The following ROR2 variants were observed in gnomAD, a reference collection of about 807,000 sequenced individuals.
ROR2 encodes the protein ROR family WNT receptor 2.
Under a neutral mutation model 74.9 loss-of-function variants are expected in ROR2, and 33 were observed. That is an observed-to-expected ratio of 0.44 (90% CI 0.33 to 0.59). The LOEUF is 0.59. Among genes scored for constraint, ROR2 ranks in the 20% least tolerant of loss-of-function variants. The probability of loss-of-function intolerance (pLI) is 0.02; values close to 1 mark genes in which losing one functional copy is unlikely to be tolerated. For missense variants in ROR2, 1,216 were observed against 1,313.8 expected (o/e 0.93, Z 1.15); for synonymous variants, 586 against 558.7 (o/e 1.05, Z -0.69).
intron 1 of ROR2, among the ~76,000 whole-genome samples, chr9:91,816,650 C>T (rs1827947506): frequency 6.6e-6 from 1 of 152,114 alleles, no homozygotes; most frequent in Admixed American, 6.5e-5. Flanking sequence ...CCCTCCCTGG[C>T]ATCCGCGATC....
At chr9:91,926,440 G>T (rs1831400087) in intron 1 of ROR2, among the ~76,000 whole-genome samples, 2 of 149,854 alleles carry the variant, frequency 1.3e-5, no homozygotes, top group Admixed American at 6.8e-5. Flanking sequence ...CAGCTACTCA[G>T]GAGGCTGAAG....
chr9:91,801,676 G>A (rs746651302), intron 1 of ROR2, among the ~76,000 whole-genome samples: 1 of 152,146 alleles, frequency 6.6e-6, no homozygotes, highest in Middle Eastern at 3.4e-3. Context: ...GAATCCCCAG[G>A]AGGGGAGAGG....
chr9:91,911,164 T>C (rs565894674), intron 1 of ROR2, among the ~76,000 whole-genome samples: 11 of 152,312 alleles, frequency 7.2e-5, no homozygotes, highest in Non-Finnish European at 1.2e-4. Flanking sequence ...ATATACAAAA[T>C]GCAGTGTTCT....
In ROR2 at chr9:91,804,076, T is replaced by C. The variant is rs571734298; in HGVS notation, c.98-28258A>G. Among the ~76,000 whole-genome samples the C allele has an allele frequency of 5.9e-5, 9 of 152,304 alleles. No individual in the cohort carries two copies. The East Asian group carries it at 1.7e-3, about 29-fold the overall frequency. ...GACCTTTTGACATTAGGAGAGTGGC[T>C]TGTGGCTGAGTCTACTCATCTGAAA... is the stretch of plus-strand genomic sequence containing the variant. On this transcript the variant is annotated intron_variant, in intron 1 of 8. Coordinates refer to ENST00000375708, the MANE Select transcript of ROR2 (RefSeq NM_004560.4).
intron 1 of ROR2, among the ~76,000 whole-genome samples, chr9:91,807,397 T>G (rs1178224764): frequency 6.6e-6 from 1 of 152,264 alleles, no homozygotes; most frequent in East Asian, 1.9e-4. Context: ...GACCTCGCCC[T>G]GTGTATCCCT....
intron 1 of ROR2, among the ~76,000 whole-genome samples, chr9:91,888,814 G>A (rs1830352625): frequency 6.6e-6 from 1 of 152,210 alleles, no homozygotes; most frequent in Non-Finnish European, 1.5e-5. Flanking sequence ...GCTGTGTCCT[G>A]CACGGGAAGC....
intron 1 of ROR2, among the ~76,000 whole-genome samples, chr9:91,802,730 C>T (rs892715086): frequency 1.1e-4 from 16 of 152,072 alleles, no homozygotes; most frequent in East Asian, 1.9e-4. Context: ...GCACGAGGTG[C>T]GCAGAAAGCC....
At chr9:91,876,509 T>C (rs1829959796) in intron 1 of ROR2, among the ~76,000 whole-genome samples, 1 of 152,160 alleles carries the variant, frequency 6.6e-6, no homozygotes, top group Non-Finnish European at 1.5e-5. Flanking sequence ...AACTCTCCAA[T>C]TGTGAGCTAT....
At chr9:91,902,256 T>C (rs1312019032) in intron 1 of ROR2, among the ~76,000 whole-genome samples, 2 of 152,350 alleles carry the variant, frequency 1.3e-5, no homozygotes, top group African/African-American at 2.4e-5. Context: ...TTCTTCATAG[T>C]AGAAATATCT....
At chr9:91,822,172 A>C (rs1379365810) in intron 1 of ROR2, among the ~76,000 whole-genome samples, 1 of 152,232 alleles carries the variant, frequency 6.6e-6, no homozygotes, top group Non-Finnish European at 1.5e-5. Context: ...CAGCTATACA[A>C]AGTCAAGATT....
intron 2 of ROR2, among the ~76,000 whole-genome samples, chr9:91,760,997 C>T (rs1443316315): frequency 6.6e-6 from 1 of 152,146 alleles, no homozygotes; most frequent in Admixed American, 6.6e-5. Context: ...TATTAGATAG[C>T]AATCATCTAC....
intron 1 of ROR2, among the ~76,000 whole-genome samples, chr9:91,811,089 G>T (rs1047569814): frequency 1.3e-5 from 2 of 152,270 alleles, no homozygotes; most frequent in African/African-American, 2.4e-5. Flanking sequence ...GAGGAAAAGG[G>T]ACACTGGCTC....
chr9:91,944,450 TACG>T (rs1831958920), intron 1 of ROR2, among the ~76,000 whole-genome samples: 1 of 152,220 alleles, frequency 6.6e-6, no homozygotes, highest in African/African-American at 2.4e-5. Context: ...TTGTAGATGA[TACG>T]ACTTTACATA....
intron 4 of ROR2, among the ~76,000 whole-genome samples, chr9:91,747,935 G>A (rs903757490): frequency 6.6e-6 from 1 of 152,182 alleles, no homozygotes; most frequent in African/African-American, 2.4e-5. Flanking sequence ...CTGTGGAACT[G>A]GGGAGATGTT....
At chr9:91,949,486 A>C (rs1180481236) in intron 1 of ROR2, among the ~76,000 whole-genome samples, 1 of 151,734 alleles carries the variant, frequency 6.6e-6, no homozygotes, top group Non-Finnish European at 1.5e-5. Flanking sequence ...GACCTCGGGG[A>C]GGAAGCCCGG....
rs184822610 is a variant in ROR2 at position 91,794,880 on chromosome 9, C to T, written c.98-19062G>A. ...CTCATACCTGTAATCCCAGCACTTT[C>T]GGAGGCCAAGGCAGGCAGATGACTT... is the stretch of plus-strand genomic sequence containing the variant. On this transcript the variant is annotated intron_variant, in intron 1 of 8. Transcript: ENST00000375708. 1.2e-4 allele frequency among the ~76,000 whole-genome samples: 19 copies of T among 152,174 alleles called. No homozygotes were observed. The East Asian group carries it at 2.9e-3, about 23-fold the overall frequency.
Position 91,834,031 on chromosome 9 carries a change from C to T in ROR2, c.98-58213G>A, listed in dbSNP as rs116598861. Among the ~76,000 whole-genome samples, 364 of 152,286 alleles carry T rather than the reference C, an allele frequency of 2.4e-3. 1 individual carries two copies. Among genetic ancestry groups the T allele is most frequent in the African/African-American group, 8.2e-3 (340 of 41,564 alleles). ...GAGTGGGTAGGCCGTCCCCCTGGGC[C>T]TGCAGACTGTAAAGCTCATTCCGGC... On this transcript the variant is annotated intron_variant, in intron 1 of 8. Transcript: ENST00000375708.
At chr9:91,873,242 C>T (rs1829857341) in intron 1 of ROR2, among the ~76,000 whole-genome samples, 1 of 152,140 alleles carries the variant, frequency 6.6e-6, no homozygotes, top group Non-Finnish European at 1.5e-5. Flanking sequence ...GGGCCCATGT[C>T]CCACTAGACT....
chr9:91,739,126 T>C (rs370232128), intron 4 of ROR2, among the ~76,000 whole-genome samples: 6 of 152,350 alleles, frequency 3.9e-5, no homozygotes, highest in East Asian at 1.9e-4. Context: ...CCAGAAAATC[T>C]GGAACCTACC....
Sources: gnomAD v4.1 joint callset for allele counts (sites outside exome capture counted in the v4.1 genomes callset) on GRCh38, gnomAD v4.1.1 for gene constraint, MANE v1.5 for transcripts, NCBI Gene and HGNC (gene_info 2026-07-23, HGNC 2026-07-21) for gene names.